STAB1: variants seen among roughly 807,000 people sequenced by gnomAD.
STAB1 encodes stabilin-1.
STAB1 carries 250 observed loss-of-function variants against 332.4 expected under a neutral mutation model. The ratio of observed to expected loss-of-function variants is 0.75; its 90% CI spans 0.68 to 0.84. STAB1 has a LOEUF of 0.84. Ranked by LOEUF, STAB1 falls within the 40% of genes least tolerant of loss-of-function variation. The pLI is 0.00. For synonymous variants in STAB1, 1,475 were observed against 1,390.4 expected (o/e 1.06, Z -1.35); for missense variants, 3,249 against 3,489.7 (o/e 0.93, Z 1.74).
At chr3:52,516,266 G>GGGGGC in intron 38 of STAB1, 28 bp downstream of exon 38, 15 of 794,144 alleles carry the variant, frequency 1.9e-5, no homozygotes, top group Non-Finnish European at 3.3e-5. Context: ...GCGGGGGTGG[G>GGGGGC]CCTCCTGGCA....
chr3:52,523,831 C>T (rs776435008), intron 66 of STAB1, 40 bp from the exon 67 acceptor site: 4 of 1,581,622 alleles, frequency 2.5e-6, no homozygotes, highest in South Asian at 2.3e-5. Context: ...GGTGGTGGGA[C>T]AGCTCCCGCC....
chr3:52,508,548 G>A (rs1316917022), intron 21 of STAB1, 189 bp downstream of exon 21: 3 of 648,036 alleles, frequency 4.6e-6, no homozygotes, highest in Non-Finnish European at 5.6e-6. Context: ...GAGGCCAGGT[G>A]CAATGTCTCA....
At chr3:52,512,208 A>G in intron 26 of STAB1, 133 bp from the exon 27 acceptor site, 1 of 849,600 alleles carries the variant, frequency 1.2e-6, no homozygotes. Flanking sequence ...AGTGCCACCA[A>G]CACAGACTGG....
Position 52,507,803 on chromosome 3 carries a change from C to G in STAB1, c.2052+128C>G, listed in dbSNP as rs546444653. On this transcript the variant is annotated intron_variant, in intron 19 of 68. Transcript: ENST00000321725. ...GATCACACCTGGAGGCTAAGTGCTT[C>G]GCAGCCCCACTGGACCAGGGTTAGA... 3 of 1,448,140 alleles carry G rather than the reference C, an allele frequency of 2.1e-6. No individual in the cohort carries two copies. The African/African-American group carries it at 4.2e-5, about 20-fold the overall frequency. The allele number at this position is 1,448,140 out of a possible 1,614,324, so 89.7% of individuals were successfully genotyped here. A position where few individuals can be genotyped will look rare whatever the true frequency, so the allele number is the denominator to read the frequency against.
rs1438293950 is a variant in STAB1 at position 52,502,939 on chromosome 3, C to T, written c.584-60C>T. 5 of 1,431,546 alleles carry T rather than the reference C, an allele frequency of 3.5e-6. No homozygotes were observed. In the East Asian group the frequency reaches 7.5e-5, roughly 21 times the overall value. 88.7% of individuals were successfully genotyped at this position (1,431,546 alleles called of 1,614,324 possible). The stretch of plus-strand genomic sequence containing the variant: ...ACACAGAACAGGCAAGGCCCCTTTG[C>T]CCCTGTGTTCCTCCCCAGCCTGGGC... On this transcript the variant is annotated intron_variant, in intron 6 of 68. Transcript: ENST00000321725.
chr3:52,509,161 T>G, intron 21 of STAB1, 49 bp from the exon 22 acceptor site: 1 of 1,559,198 alleles, frequency 6.4e-7, no homozygotes, highest in Non-Finnish European at 8.8e-7. Context: ...AGAGGGGATG[T>G]AGAGAGTCCC....
chr3:52,504,315 C>A, intron 10 of STAB1, 146 bp from the exon 11 acceptor site: 1 of 1,384,760 alleles, frequency 7.2e-7, no homozygotes. Flanking sequence ...GAGCTGCTCT[C>A]CAACCTCAAG....
chr3:52,501,996 G>T lies in STAB1; in HGVS notation c.332-10G>T. ...CTGGGCACAGAGCTGAGTACTGTGGGGGTCCACAGAATGCCCTGGGGGCGC... is the reference window on the plus strand; with the variant it reads ...CTGGGCACAGAGCTGAGTACTGTGGTGGTCCACAGAATGCCCTGGGGGCGC... On this transcript the variant is annotated splice_polypyrimidine_tract_variant and intron_variant, in intron 3 of 68. Coordinates refer to ENST00000321725, the MANE Select transcript of STAB1 (RefSeq NM_015136.3). The T allele has an allele frequency of 1.2e-6, 2 of 1,611,574 alleles. No homozygotes were observed. The highest frequency in any genetic ancestry group is 1.7e-6 in the Non-Finnish European group (2 of 1,179,862).
chr3:52,510,142 A>C lies in STAB1; in HGVS notation c.2535A>C (p.Arg845Ser). 4 of 1,613,868 alleles carry C rather than the reference A, an allele frequency of 2.5e-6. No individual in the cohort carries two copies. Among genetic ancestry groups the C allele is most frequent in the Non-Finnish European group, 2.5e-6 (3 of 1,179,992 alleles). ...ARCVSQEGVA[R>S]CRCLDGFEGD... ...AGCCCCCTCCTTCACCCACCCCCAGATGTCGCTGTCTTGATGGCTTTGAGG... is the reference window on the plus strand; with the variant it reads ...AGCCCCCTCCTTCACCCACCCCCAGCTGTCGCTGTCTTGATGGCTTTGAGG... Residue 845 changes from arginine (R) to serine (S), a missense_variant and splice_region_variant, in exon 24 of 69, where the codon AGA becomes AGC. Coordinates refer to ENST00000321725, the MANE Select transcript of STAB1 (RefSeq NM_015136.3).
intron 11 of STAB1, 43 bp downstream of exon 11, chr3:52,504,592 TC>T: frequency 6.2e-7 from 1 of 1,612,636 alleles, no homozygotes; most frequent in Non-Finnish European, 8.5e-7. Context: ...GGCCCTCACC[TC>T]CTCCCCTGGA....
chr3:52,512,746 G>C (rs1709384704), intron 28 of STAB1, 82 bp from the exon 29 acceptor site: 1 of 1,609,866 alleles, frequency 6.2e-7, no homozygotes, highest in African/African-American at 1.3e-5. Context: ...GTTGGGGGCA[G>C]GGCTGGAGCC....
At chr3:52,497,071 G>A (rs765605708) in intron 1 of STAB1, among the ~76,000 whole-genome samples, 5 of 152,130 alleles carry the variant, frequency 3.3e-5, no homozygotes, top group African/African-American at 1.2e-4. Context: ...GCGTGATCTC[G>A]GCTCAGTGAA....
In STAB1 at chr3:52,519,532, T is replaced by C; in HGVS notation, c.5203T>C (p.Phe1735Leu). The C allele has an allele frequency of 6.2e-7, 1 of 1,613,322 alleles. No homozygotes were observed. The highest frequency in any genetic ancestry group is 8.5e-7 in the Non-Finnish European group (1 of 1,180,002). The change falls in exon 50 of 69, where the codon TTC becomes CTC. Residue 1735 changes from phenylalanine (F) to leucine (L), a missense_variant. Transcript: ENST00000321725. ...RRNVTAAAQG[F>L]GYKIFSGLLK... is the part of the protein sequence containing the mutation. ...AAATGTCACCGCCGCCGCCCAGGGC[T>C]TCGGTTACAAGATCTTCAGCGGCCT... is the stretch of plus-strand genomic sequence containing the variant.
At position 52,522,224 on chromosome 3, in the gene STAB1, C is replaced by T. The variant is rs765712995; in HGVS notation, c.6459C>T (p.Thr2153=). Residue 2153 remains threonine (T), a synonymous_variant, in exon 59 of 69, where the codon ACC becomes ACT. Coordinates refer to ENST00000321725, the MANE Select transcript of STAB1 (RefSeq NM_015136.3). ...GCGAGCACGCCAACTGCTTGAGCAC[C>T]GGCCTGGTGAGCAGGTGGGGGAACC... ...GCSEHANCLS[T]GLNTRRCECH... The T allele has an allele frequency of 1.7e-5, 27 of 1,612,302 alleles. No individual in the cohort carries two copies. Among genetic ancestry groups the T allele is most frequent in the East Asian group, 1.1e-4 (5 of 44,888 alleles).
chr3:52,500,929 AACAG>A (rs1463652841), intron 1 of STAB1, among the ~76,000 whole-genome samples: 1 of 152,210 alleles, frequency 6.6e-6, no homozygotes, highest in African/African-American at 2.4e-5. Context: ...AACAACTTGT[AACAG>A]ACAGGTTTCA....
In STAB1 at chr3:52,507,602, G is replaced by C. The variant is rs530461325; in HGVS notation, c.1990-11G>C. ...TAACCCCTCTCCCCATCCTGCCCCT[G>C]CCCTGCCCAGGGCTCCTGTGTGGAC... On this transcript the variant is annotated splice_polypyrimidine_tract_variant and intron_variant, in intron 18 of 68. Transcript: ENST00000321725. The C allele has an allele frequency of 6.2e-7, 1 of 1,612,684 alleles. No homozygotes were observed. Among genetic ancestry groups the C allele is most frequent in the African/African-American group, 1.3e-5 (1 of 74,910 alleles).
rs368723997 is a variant in STAB1 at position 52,516,456 on chromosome 3, G to A, written c.4240+5G>A. ...AGGGCCTCCGCTGTGACCAGAGTGA[G>A]TGGGTCCCAATGGGGAGGGGGCAGG... is the stretch of plus-strand genomic sequence containing the variant. On this transcript the variant is annotated splice_donor_5th_base_variant and intron_variant, in intron 39 of 68. Transcript: ENST00000321725. The A allele has an allele frequency of 1.2e-5, 20 of 1,613,388 alleles. No homozygotes were observed. Among genetic ancestry groups the A allele is most frequent in the African/African-American group, 2.7e-5 (2 of 74,926 alleles).
intron 18 of STAB1, among the ~76,000 whole-genome samples, chr3:52,507,383 T>C (rs1007369065): frequency 6.6e-6 from 1 of 152,180 alleles, no homozygotes; most frequent in African/African-American, 2.4e-5. Flanking sequence ...CCATCCCCTT[T>C]CACTCACTCT....
rs375351388 is a variant in STAB1 at position 52,516,045 on chromosome 3, G to A, written c.3951G>A (p.Val1317=). The part of the protein sequence containing the change: ...CSYTCAKKIQ[V]PDCCPGFFGT... ...CTCTCCCATCCCCACGCCGACAGGTGCCGGACTGCTGCCCTGGTTTCTTTG... is the reference window on the plus strand; with the variant it reads ...CTCTCCCATCCCCACGCCGACAGGTACCGGACTGCTGCCCTGGTTTCTTTG... The change falls in exon 38 of 69, where the codon GTG becomes GTA. Residue 1317 remains valine, a splice_region_variant and synonymous_variant. Transcript: ENST00000321725. 1.1e-4 allele frequency: 179 copies of A among 1,607,250 alleles called. No homozygotes were observed. Among genetic ancestry groups the A allele is most frequent in the Non-Finnish European group, 1.4e-4 (166 of 1,177,232 alleles).
Sources: gnomAD v4.1 joint callset for allele counts (sites outside exome capture counted in the v4.1 genomes callset) on GRCh38, gnomAD v4.1.1 for gene constraint, MANE v1.5 for transcripts, NCBI Gene and HGNC (gene_info 2026-07-23, HGNC 2026-07-21) for gene names.